Variants in HS3ST5 observed in about 807,000 individuals in gnomAD.
The protein encoded by HS3ST5 is heparan sulfate glucosamine 3-O-sulfotransferase 5.
HS3ST5 carries 10 observed loss-of-function variants against 25.4 expected under a neutral mutation model. The observed-to-expected ratio is 0.39, with a 90% CI of 0.24 to 0.67. HS3ST5 has a LOEUF of 0.67. Ranked by LOEUF, HS3ST5 falls within the 30% of genes least tolerant of loss-of-function variation. HS3ST5 has a pLI of 0.44. For synonymous variants in HS3ST5, 170 were observed against 162.4 expected (o/e 1.05, Z -0.36); for missense variants, 324 against 420.7 (o/e 0.77, Z 2.01).
intron 3 of HS3ST5, among the ~76,000 whole-genome samples, chr6:114,161,521 T>TTATATATATATATATA (rs59921019): frequency 3.3e-4 from 11 of 33,538 alleles, no homozygotes; most frequent in South Asian, 1.6e-3. Context: ...TCCTGAAGTT[T>TTATATATATATATATA]TATATATATA....
At chr6:114,084,982 C>T (rs1774719357) in intron 3 of HS3ST5, among the ~76,000 whole-genome samples, 1 of 151,864 alleles carries the variant, frequency 6.6e-6, no homozygotes, top group African/African-American at 2.4e-5. Flanking sequence ...CAGGTGCGCA[C>T]CACCACCCCT....
chr6:114,236,515 G>A (rs895212087), intron 1 of HS3ST5, among the ~76,000 whole-genome samples: 1 of 152,048 alleles, frequency 6.6e-6, no homozygotes, highest in African/African-American at 2.4e-5. Flanking sequence ...TTAATAACAG[G>A]TGAATTTTTC....
At chr6:114,085,130 C>T (rs1239806155) in intron 3 of HS3ST5, among the ~76,000 whole-genome samples, 1 of 152,088 alleles carries the variant, frequency 6.6e-6, no homozygotes, top group Non-Finnish European at 1.5e-5. Flanking sequence ...TTTTATATTC[C>T]ATGTCAAAAA....
chr6:114,194,474 A>T (rs554171370), intron 2 of HS3ST5, among the ~76,000 whole-genome samples: 27 of 152,224 alleles, frequency 1.8e-4, no homozygotes, highest in South Asian at 1.7e-3. Flanking sequence ...TAAGGGCTAA[A>T]CAGAAACCAG....
intron 2 of HS3ST5, among the ~76,000 whole-genome samples, chr6:114,216,979 G>A (rs1039375147): frequency 9.2e-5 from 14 of 152,168 alleles, no homozygotes; most frequent in Non-Finnish European, 1.3e-4. Flanking sequence ...TCATGATTAT[G>A]AGCTGACGGA....
chr6:114,171,661 G>A (rs1015303367), intron 2 of HS3ST5, among the ~76,000 whole-genome samples: 3 of 152,230 alleles, frequency 2.0e-5, no homozygotes, highest in South Asian at 2.1e-4. Flanking sequence ...TAAGGAATAC[G>A]TAATTCATAC....
intron 1 of HS3ST5, among the ~76,000 whole-genome samples, chr6:114,333,480 T>C (rs1162460661): frequency 1.3e-5 from 2 of 152,310 alleles, no homozygotes; most frequent in East Asian, 3.9e-4. Context: ...TGCTAATATT[T>C]GTGGAATTCA....
intron 1 of HS3ST5, among the ~76,000 whole-genome samples, chr6:114,278,677 A>C (rs1406033764): frequency 6.6e-6 from 1 of 152,018 alleles, no homozygotes; most frequent in African/African-American, 2.4e-5. Context: ...GTTGGGTGAG[A>C]GGAAGCACAC....
intron 2 of HS3ST5, among the ~76,000 whole-genome samples, chr6:114,227,482 A>T (rs1314312848): frequency 2.6e-5 from 4 of 151,816 alleles, no homozygotes; most frequent in African/African-American, 4.8e-5. Flanking sequence ...TCACTGAAAT[A>T]AAAAAAACCT....
intron 2 of HS3ST5, among the ~76,000 whole-genome samples, chr6:114,193,906 A>G (rs917498084): frequency 6.6e-6 from 1 of 152,186 alleles, no homozygotes; most frequent in African/African-American, 2.4e-5. Context: ...TATATTCTGA[A>G]TGATGTCTGA....
At chr6:114,304,342 C>T (rs1169936674) in intron 1 of HS3ST5, among the ~76,000 whole-genome samples, 1 of 152,190 alleles carries the variant, frequency 6.6e-6, no homozygotes, top group East Asian at 1.9e-4. Context: ...AAAATCCTTC[C>T]ATTTTGTTTA....
chr6:114,174,086 C>T (rs1261538398), intron 2 of HS3ST5, among the ~76,000 whole-genome samples: 1 of 151,936 alleles, frequency 6.6e-6, no homozygotes, highest in Non-Finnish European at 1.5e-5. Context: ...CCAGCTTCAT[C>T]TGTTCCCACT....
At chr6:114,325,286 A>G (rs1184952097) in intron 1 of HS3ST5, among the ~76,000 whole-genome samples, 1 of 152,238 alleles carries the variant, frequency 6.6e-6, no homozygotes, top group African/African-American at 2.4e-5. Context: ...TAACCTATTT[A>G]GACCACAAAA....
At chr6:114,113,637 G>A (rs372770013) in intron 3 of HS3ST5, among the ~76,000 whole-genome samples, 4 of 151,712 alleles carry the variant, frequency 2.6e-5, no homozygotes, top group Non-Finnish European at 4.4e-5. Context: ...TACTCATAGC[G>A]TATATCAGTA....
At chr6:114,079,951 T>A (rs1302505840) in intron 3 of HS3ST5, among the ~76,000 whole-genome samples, 3 of 152,176 alleles carry the variant, frequency 2.0e-5, no homozygotes, top group Non-Finnish European at 4.4e-5. Flanking sequence ...AATTTTGTTT[T>A]TTTTTAGTAG....
intron 3 of HS3ST5, among the ~76,000 whole-genome samples, chr6:114,144,100 C>G (rs1335733547): frequency 6.6e-6 from 1 of 152,138 alleles, no homozygotes; most frequent in African/African-American, 2.4e-5. Flanking sequence ...TCCCAGAGTT[C>G]CCAGTGGCAA....
At chr6:114,085,550 C>G (rs1172894164) in intron 3 of HS3ST5, among the ~76,000 whole-genome samples, 1 of 152,144 alleles carries the variant, frequency 6.6e-6, no homozygotes, top group Non-Finnish European at 1.5e-5. Context: ...TTATGAATGC[C>G]TCCTGTTAGA....
At chr6:114,084,525 C>T (rs943352980) in intron 3 of HS3ST5, 6 of 759,014 alleles carry the variant, frequency 7.9e-6, no homozygotes, top group Admixed American at 1.7e-5. Flanking sequence ...CCCGAGCCGG[C>T]GTCCACCGCA....
At chr6:114,078,411 T>C (rs1406800168) in intron 3 of HS3ST5, among the ~76,000 whole-genome samples, 1 of 152,094 alleles carries the variant, frequency 6.6e-6, no homozygotes, top group East Asian at 1.9e-4. Context: ...GTTTTCACCA[T>C]GTTGGCCAGG....
Sources: allele counts gnomAD v4.1 joint callset (sites outside exome capture counted in the v4.1 genomes callset), GRCh38; gene constraint gnomAD v4.1.1; transcripts MANE v1.5; gene names NCBI Gene and HGNC (gene_info 2026-07-23, HGNC 2026-07-21).